Variants in SYNPO2 observed in about 807,000 individuals in gnomAD.
The protein encoded by SYNPO2 is synaptopodin 2.
Under a neutral mutation model 85.0 loss-of-function variants are expected in SYNPO2, and 56 were observed. That is an observed-to-expected ratio of 0.66 (90% CI 0.53 to 0.82). The LOEUF (loss-of-function observed/expected upper bound fraction) is 0.82. SYNPO2 is among the 40% of genes least tolerant of loss of function. SYNPO2 has a pLI of 0.00. For missense variants in SYNPO2, 1,575 were observed against 1,534.2 expected, an observed-to-expected ratio of 1.03 and a Z score of -0.44; for synonymous variants, 602 against 591.1, an observed-to-expected ratio of 1.02 and a Z score of -0.27.
At chr4:119,009,924 G>A (rs2149178233) in intron 1 of SYNPO2, among the ~76,000 whole-genome samples, 1 of 152,306 alleles carries the variant, frequency 6.6e-6, no homozygotes, top group Non-Finnish European at 1.5e-5. Flanking sequence ...GAGATTCTGT[G>A]CTTCTCACAA....
chr4:119,000,449 G>T (rs1736782750), intron 1 of SYNPO2, among the ~76,000 whole-genome samples: 1 of 152,154 alleles, frequency 6.6e-6, no homozygotes. Context: ...CCTGATGACT[G>T]TCATGTAAAA....
At chr4:119,054,090 C>G (rs909536864) in intron 4 of SYNPO2, among the ~76,000 whole-genome samples, 1 of 152,250 alleles carries the variant, frequency 6.6e-6, no homozygotes, top group African/African-American at 2.4e-5. Context: ...ACTCAGCTCA[C>G]TGTGCTCAAC....
chr4:118,973,187 G>T (rs146035230), intron 1 of SYNPO2, among the ~76,000 whole-genome samples: 1 of 152,158 alleles, frequency 6.6e-6, no homozygotes, highest in East Asian at 1.9e-4. Flanking sequence ...ATTATTATGT[G>T]AATTCTGTTA....
chr4:119,000,460 C>T (rs1489871773), intron 1 of SYNPO2, among the ~76,000 whole-genome samples: 1 of 152,196 alleles, frequency 6.6e-6, no homozygotes, highest in African/African-American at 2.4e-5. Flanking sequence ...TCATGTAAAA[C>T]AGCAGAAGAC....
Position 119,057,513 on chromosome 4 carries a change from T to C in SYNPO2, c.3365T>C (p.Leu1122Pro), listed in dbSNP as rs1373264265. 3 of 1,614,110 alleles carry C rather than the reference T, an allele frequency of 1.9e-6. No homozygotes were observed. In the East Asian group the frequency reaches 6.7e-5, roughly 36 times the overall value. ...YSYSSKPTDG[L>P]EKANKRPTPW... ...TACTCTAGTAAACCAACCGATGGAC[T>C]AGAGAAAGCAAACAAGAGACCAACT... Residue 1122 changes from leucine to proline, a missense_variant, in exon 5 of 5, where the codon CTA becomes CCA. This residue lies in a region of SYNPO2 where 1,508 missense variants were observed against 1,446.8 expected (regional missense o/e 1.04). Coordinates refer to ENST00000307142, the MANE Select transcript of SYNPO2 (RefSeq NM_133477.3).
chr4:119,053,753 A>G (rs1370705244), intron 4 of SYNPO2, among the ~76,000 whole-genome samples: 1 of 152,222 alleles, frequency 6.6e-6, no homozygotes, highest in Non-Finnish European at 1.5e-5. Flanking sequence ...AACACCAAAA[A>G]ATAATTCCTC....
intron 1 of SYNPO2, among the ~76,000 whole-genome samples, chr4:118,989,661 T>C (rs1477259126): frequency 6.6e-6 from 1 of 152,246 alleles, no homozygotes; most frequent in East Asian, 1.9e-4. Context: ...TTCCATGGAA[T>C]ATCATTGATT....
At chr4:118,949,290 A>G (rs571004884) in intron 1 of SYNPO2, among the ~76,000 whole-genome samples, 113 of 152,282 alleles carry the variant, frequency 7.4e-4, no homozygotes, top group Non-Finnish European at 1.2e-3. Context: ...ACAAAAGTCT[A>G]AAAAGACTCC....
chr4:118,851,061 T>C, intron 1 of SYNPO2: 1 of 397,648 alleles, frequency 2.5e-6, no homozygotes, highest in Non-Finnish European at 4.4e-6. Flanking sequence ...CTCATACCTT[T>C]CATCTTTTCA....
At chr4:118,871,820 T>C (rs548129743) in intron 1 of SYNPO2, among the ~76,000 whole-genome samples, 70 of 152,230 alleles carry the variant, frequency 4.6e-4, no homozygotes, top group Middle Eastern at 3.4e-3. Context: ...CCGCCCGCCT[T>C]GGCCTCCCAA....
intron 1 of SYNPO2, among the ~76,000 whole-genome samples, chr4:118,965,973 T>C (rs900195195): frequency 4.6e-5 from 7 of 151,994 alleles, no homozygotes; most frequent in Non-Finnish European, 8.8e-5. Context: ...GAGGATTGCT[T>C]GAGCCCAGGA....
intron 1 of SYNPO2, among the ~76,000 whole-genome samples, chr4:118,964,602 C>A (rs371797927): frequency 1.3e-5 from 2 of 152,172 alleles, no homozygotes; most frequent in African/African-American, 4.8e-5. Flanking sequence ...CTCTCTCCCT[C>A]TCACTCTGCC....
At chr4:118,988,467 C>T (rs1202652226) in intron 1 of SYNPO2, among the ~76,000 whole-genome samples, 1 of 152,118 alleles carries the variant, frequency 6.6e-6, no homozygotes, top group African/African-American at 2.4e-5. Flanking sequence ...AAACCTAACT[C>T]TAAAAATGGT....
intron 2 of SYNPO2, among the ~76,000 whole-genome samples, chr4:119,025,273 A>G (rs1737890918): frequency 6.6e-6 from 1 of 152,218 alleles, no homozygotes; most frequent in African/African-American, 2.4e-5. Flanking sequence ...GGCCTTCCTA[A>G]ATTAAAACTC....
intron 1 of SYNPO2, among the ~76,000 whole-genome samples, chr4:118,911,786 T>G (rs2149124214): frequency 6.6e-6 from 1 of 152,310 alleles, no homozygotes; most frequent in South Asian, 2.1e-4. Context: ...TAAAAATTAT[T>G]TTGTTTACAA....
intron 1 of SYNPO2, among the ~76,000 whole-genome samples, chr4:118,875,741 CTACCCAAAT>C (rs1731893433): frequency 6.6e-6 from 1 of 152,208 alleles, no homozygotes; most frequent in Non-Finnish European, 1.5e-5. Context: ...TTCTCCTCCA[CTACCCAAAT>C]ACTTACAGTG....
intron 1 of SYNPO2, among the ~76,000 whole-genome samples, chr4:118,988,096 T>A (rs750904458): frequency 6.6e-6 from 1 of 152,222 alleles, no homozygotes; most frequent in Non-Finnish European, 1.5e-5. Context: ...CTGCCTCAAT[T>A]TTCACACTTG....
intron 1 of SYNPO2, among the ~76,000 whole-genome samples, chr4:118,856,819 A>C (rs1056200080): frequency 6.6e-6 from 1 of 152,142 alleles, no homozygotes; most frequent in Non-Finnish European, 1.5e-5. Flanking sequence ...TATATTTTTA[A>C]AAATAGTGTT....
At position 118,931,806 on chromosome 4, in the gene SYNPO2, G is replaced by C. The variant is rs552768687; in HGVS notation, c.105+42665G>C. ...TTGGGATTGCCAATAAATGCCTCAGGCTTTTATGGAATGCCTAGTATAGGG... is the reference window on the plus strand; with the variant it reads ...TTGGGATTGCCAATAAATGCCTCAGCCTTTTATGGAATGCCTAGTATAGGG... On this transcript the variant is annotated intron_variant, in intron 1 of 4. Coordinates refer to ENST00000307142, the MANE Select transcript of SYNPO2 (RefSeq NM_133477.3). Among the ~76,000 whole-genome samples, 14 of 152,256 alleles carry C rather than the reference G, an allele frequency of 9.2e-5. 1 individual carries two copies. The South Asian group carries it at 2.9e-3, about 32-fold the overall frequency.
Sources: allele counts gnomAD v4.1 joint callset (sites outside exome capture counted in the v4.1 genomes callset), GRCh38; gene constraint gnomAD v4.1.1; regional missense constraint gnomAD v4.1.1; transcripts MANE v1.5; gene names NCBI Gene and HGNC (gene_info 2026-07-23, HGNC 2026-07-21).